Variants in RNF130 observed in about 807,000 individuals in gnomAD.
RNF130 encodes the protein ring finger protein 130.
Under a neutral mutation model 44.6 loss-of-function variants are expected in RNF130, and 21 were observed. The ratio of observed to expected loss-of-function variants is 0.47; its 90% CI spans 0.33 to 0.68. The LOEUF (loss-of-function observed/expected upper bound fraction) is 0.68, where lower values mean the gene tolerates loss of function less well. RNF130 is among the 30% of genes least tolerant of loss of function. The pLI is 0.02. For missense variants in RNF130, 479 were observed against 560.6 expected, an observed-to-expected ratio of 0.85 and a Z score of 1.47; for synonymous variants, 214 against 210.4, an observed-to-expected ratio of 1.02 and a Z score of -0.15.
In RNF130 at chr5:180,013,269, C is replaced by T; in HGVS notation, c.485G>A (p.Gly162Asp). Residue 162 changes from glycine to aspartate, a missense_variant, in exon 3 of 9, where the codon GGT (glycine) becomes GAT (aspartate). Coordinates refer to ENST00000521389, the MANE Select transcript of RNF130 (RefSeq NM_018434.6). Reference protein sequence around the residue: ...IIAVMITELRGKDILSYLEKN... With the variant: ...IIAVMITELRDKDILSYLEKN... ...CTCCAGATAACTCAAAATATCCTTA[C>T]CCCTCAATTCTGTTATCATGACAGC... 1 of 1,613,676 alleles carries T rather than the reference C, an allele frequency of 6.2e-7. No homozygotes were observed. Among genetic ancestry groups the T allele is most frequent in the South Asian group, 1.1e-5 (1 of 91,062 alleles).
At chr5:179,918,234 A>C (rs1331739525) in exon 8 of RNF130, 3 of 152,138 alleles carry the variant, frequency 2.0e-5, no homozygotes, top group Non-Finnish European at 4.4e-5. Flanking sequence ...TTCTACCGTG[A>C]ATGTGTGCCC....
chr5:180,031,217 T>C (rs903737643), intron 2 of RNF130, among the ~76,000 whole-genome samples: 1 of 152,212 alleles, frequency 6.6e-6, no homozygotes, highest in Admixed American at 6.5e-5. Flanking sequence ...CTGGGCACGG[T>C]GGCTCACGCC....
chr5:179,975,211 A>C (rs27012), intron 5 of RNF130, among the ~76,000 whole-genome samples: 19,614 of 152,336 alleles, frequency 0.13, 1,454 homozygotes, highest in East Asian at 0.27. Context: ...CCAAGGCAGA[A>C]GGAATTCTGT....
chr5:180,058,648 C>T (rs189891734), intron 1 of RNF130, among the ~76,000 whole-genome samples: 141 of 149,778 alleles, frequency 9.4e-4, no homozygotes, highest in African/African-American at 3.4e-3. Context: ...CTCTGCCTCC[C>T]GGGTTCAAGC....
At chr5:179,975,003 G>C (rs1041951703) in intron 5 of RNF130, among the ~76,000 whole-genome samples, 3 of 152,248 alleles carry the variant, frequency 2.0e-5, no homozygotes, top group Non-Finnish European at 2.9e-5. Flanking sequence ...TGTTGAAGTA[G>C]AGTGAACACA....
chr5:179,985,419 G>A (rs184401372), intron 3 of RNF130, among the ~76,000 whole-genome samples: 12 of 152,086 alleles, frequency 7.9e-5, no homozygotes, highest in East Asian at 1.9e-4. Context: ...ATACTAAGCC[G>A]TAAGGGTCCT....
At chr5:179,928,273 C>G (rs1206700109) in intron 7 of RNF130, among the ~76,000 whole-genome samples, 1 of 152,124 alleles carries the variant, frequency 6.6e-6, no homozygotes, top group Non-Finnish European at 1.5e-5. Flanking sequence ...TGGCCATGTT[C>G]CAAAGTGGCT....
At chr5:179,986,020 G>A (rs889784858) in intron 3 of RNF130, among the ~76,000 whole-genome samples, 8 of 152,056 alleles carry the variant, frequency 5.3e-5, no homozygotes, top group South Asian at 2.1e-4. Flanking sequence ...TCAAACTAAC[G>A]TTTGCTGCCA....
chr5:180,068,026 T>C (rs1427230148), intron 1 of RNF130, among the ~76,000 whole-genome samples: 1 of 152,242 alleles, frequency 6.6e-6, no homozygotes, highest in African/African-American at 2.4e-5. Flanking sequence ...AGATTTATTA[T>C]TTGGTAAAAT....
At chr5:179,924,061 G>T (rs904372337) in intron 7 of RNF130, among the ~76,000 whole-genome samples, 25 of 152,184 alleles carry the variant, frequency 1.6e-4, no homozygotes, top group African/African-American at 6.0e-4. Context: ...AAATTGGCAT[G>T]AAGTCCAGCT....
At position 179,946,540 on chromosome 5, in the gene RNF130, C is replaced by A. The variant is rs192997337; in HGVS notation, c.1150+20266G>T. ...AGTCTTAACAGACCGACCAGTACAG[C>A]ACACCCACCGGGGATTTTTTTTTTT... is the stretch of plus-strand genomic sequence containing the variant. On this transcript the variant is annotated intron_variant, in intron 7 of 7. Coordinates refer to the RNF130 transcript ENST00000522208. 4.5e-4 allele frequency among the ~76,000 whole-genome samples: 69 copies of A among 151,936 alleles called. 1 individual carries two copies. The East Asian group carries it at 0.012, about 27-fold the overall frequency.
intron 2 of RNF130, among the ~76,000 whole-genome samples, chr5:180,031,081 A>G (rs1764121650): frequency 6.6e-6 from 1 of 152,244 alleles, no homozygotes. Flanking sequence ...TCTCTTCCTT[A>G]TGATTTCCTT....
At chr5:180,049,879 C>T (rs1004767482) in intron 1 of RNF130, among the ~76,000 whole-genome samples, 1 of 152,088 alleles carries the variant, frequency 6.6e-6, no homozygotes, top group Non-Finnish European at 1.5e-5. Context: ...TTTTCCTCAT[C>T]TATATATTCA....
exon 8 of RNF130, chr5:179,916,203 C>G (rs189753468): frequency 6.6e-6 from 1 of 152,086 alleles, no homozygotes; most frequent in Non-Finnish European, 1.5e-5. Context: ...TAAAGGTTAA[C>G]GGCGAGAGAA....
chr5:180,043,468 C>T lies in RNF130; in HGVS notation c.248-2821G>A, dbSNP rs546999241. ...TTTCTGTGCCAAAATATGTGAGCTA[C>T]CCCACGCTCAGCAGCACCCCACACT... On this transcript the variant is annotated intron_variant, in intron 1 of 8. Coordinates refer to ENST00000521389, the MANE Select transcript of RNF130 (RefSeq NM_018434.6). Among the ~76,000 whole-genome samples, 6 of 152,214 alleles carry T rather than the reference C, an allele frequency of 3.9e-5. No individual in the cohort carries two copies. In the East Asian group the frequency reaches 9.6e-4, roughly 24 times the overall value.
At chr5:179,998,526 G>A (rs965765197) in intron 3 of RNF130, among the ~76,000 whole-genome samples, 1 of 151,916 alleles carries the variant, frequency 6.6e-6, no homozygotes, top group Non-Finnish European at 1.5e-5. Context: ...TTGAACTCTT[G>A]GACTCATGAG....
intron 3 of RNF130, among the ~76,000 whole-genome samples, chr5:179,984,576 CTT>C (rs920947707): frequency 5.3e-5 from 8 of 152,192 alleles, no homozygotes; most frequent in African/African-American, 1.9e-4. Flanking sequence ...TTAAATGAAA[CTT>C]ATATTCCTGG....
chr5:179,934,944 A>G (rs941895575), intron 7 of RNF130, among the ~76,000 whole-genome samples: 3 of 152,138 alleles, frequency 2.0e-5, no homozygotes, highest in African/African-American at 7.2e-5. Context: ...GTTCTTTGAG[A>G]CAAATGCTTC....
At chr5:179,933,062 C>T (rs948060288) in intron 7 of RNF130, among the ~76,000 whole-genome samples, 4 of 152,180 alleles carry the variant, frequency 2.6e-5, no homozygotes, top group East Asian at 3.9e-4. Context: ...CGCAGAGGAG[C>T]GATTACCAGG....
Sources: allele counts gnomAD v4.1 joint callset (sites outside exome capture counted in the v4.1 genomes callset), GRCh38; gene constraint gnomAD v4.1.1; transcripts MANE v1.5; gene names NCBI Gene and HGNC (gene_info 2026-07-23, HGNC 2026-07-21).